The following MYO5A variants were observed in gnomAD, a reference collection of about 807,000 sequenced individuals.
MYO5A encodes the protein myosin VA, also known as unconventional myosin-Va.
Under a neutral mutation model 249.7 loss-of-function variants are expected in MYO5A, and 98 were observed. That is an observed-to-expected ratio of 0.39 (90% CI 0.33 to 0.46). The LOEUF is 0.46. MYO5A is among the 20% of genes least tolerant of loss of function. The pLI is 0.98. For synonymous variants in MYO5A, 778 were observed against 810.6 expected (o/e 0.96, Z 0.68); for missense variants, 1,696 against 2,308.8 (o/e 0.73, Z 5.44).
intron 11 of MYO5A, 23 bp from the exon 12 acceptor site, chr15:52,392,093 C>G: frequency 6.2e-7 from 1 of 1,600,934 alleles, no homozygotes; most frequent in African/African-American, 1.3e-5. Flanking sequence ...AGAAAAAAAG[C>G]AGTCATTACT....
chr15:52,404,652 C>G (rs899468410), intron 9 of MYO5A, among the ~76,000 whole-genome samples: 1 of 152,098 alleles, frequency 6.6e-6, no homozygotes. Flanking sequence ...GAGTGTGTAT[C>G]TAAGAAGAGA....
rs137859268 is a variant in MYO5A, at chr15:52,379,180, C to T, written c.2208+445G>A. Among the ~76,000 whole-genome samples, 440 of 152,282 alleles carry T rather than the reference C, an allele frequency of 2.9e-3. 3 individuals carry two copies. The highest frequency in any genetic ancestry group is 6.8e-3 in the South Asian group (33 of 4,822). ...ATCTCTCCTTCCCATAGCTGGACGT[C>T]GCTTTGTCATCCCCTGATTTCTTGT... On this transcript the variant is annotated intron_variant, in intron 18 of 41. Transcript: ENST00000399233.
intron 1 of MYO5A, among the ~76,000 whole-genome samples, chr15:52,436,351 G>T (rs1050752739): frequency 6.6e-6 from 1 of 152,158 alleles, no homozygotes; most frequent in African/African-American, 2.4e-5. Flanking sequence ...TAGTTCTTCA[G>T]GAACACAGTT....
At position 52,428,405 on chromosome 15, in the gene MYO5A, C is replaced by T. The variant is rs770112853; in HGVS notation, c.303G>A (p.Thr101=). The change falls in exon 3 of 42, where the codon ACG becomes ACA. Residue 101 remains threonine (T), a synonymous_variant. Transcript: ENST00000399233. ...VRFIDSKLIY[T]YCGIVLVAIN... The stretch of plus-strand genomic sequence containing the variant: ...AAAGCAAAGCATACTTACCACAATA[C>T]GTATAAATAAGTTTGGAATCAATAA... 1.1e-5 allele frequency: 18 copies of T among 1,613,616 alleles called. No homozygotes were observed. The highest frequency in any genetic ancestry group is 3.3e-5 in the South Asian group (3 of 91,078).
intron 1 of MYO5A, chr15:52,505,501 G>T: frequency 7.8e-7 from 1 of 1,281,924 alleles, no homozygotes; most frequent in South Asian, 1.2e-5. Context: ...TGATCTCTCT[G>T]GATCTGATGA....
At chr15:52,406,724 G>T (rs2043019765) in intron 8 of MYO5A, among the ~76,000 whole-genome samples, 1 of 151,644 alleles carries the variant, frequency 6.6e-6, no homozygotes. Flanking sequence ...TTAAATCCCA[G>T]AAACAAGATA....
chr15:52,319,846 T>C (rs1309292162), intron 38 of MYO5A, among the ~76,000 whole-genome samples: 2 of 152,244 alleles, frequency 1.3e-5, no homozygotes, highest in African/African-American at 4.8e-5. Flanking sequence ...AAAAATTTAC[T>C]ATGAATCTAA....
At chr15:52,340,417 G>A (rs1179382391) in intron 31 of MYO5A, 23 bp from the exon 32 acceptor site, 11 of 1,607,096 alleles carry the variant, frequency 6.8e-6, no homozygotes, top group Admixed American at 1.7e-5. Flanking sequence ...CACATGGGTC[G>A]GAAGGGGAGA....
rs1188293474 is a variant in MYO5A, at chr15:52,313,420, C to T, written c.*276G>A. The T allele has an allele frequency of 3.5e-5, 15 of 430,716 alleles. No homozygotes were observed. Among genetic ancestry groups the T allele is most frequent in the Admixed American group, 7.2e-5 (2 of 27,826 alleles). The allele number at this position is 430,716 out of a possible 1,614,324, so 26.7% of individuals were successfully genotyped here. ...GAAGACACATTTTTCTCCTCCTTTC[C>T]TTCCTCCCTTCCTTCCATCATTCTC... On this transcript the variant is annotated 3_prime_UTR_variant, in exon 42 of 42. Coordinates refer to ENST00000399233, the MANE Select transcript of MYO5A (RefSeq NM_001382347.1).
At position 52,323,394 on chromosome 15, in the gene MYO5A, G is replaced by A; in HGVS notation, c.4761C>T (p.Cys1587=). Reference sequence around the variant, plus strand: ...ACTGTTTCAAGCAGTGCAAAAATCGGCATGTGTTAGAGAGCCAGAAGGAGA... The same window carrying A: ...ACTGTTTCAAGCAGTGCAAAAATCGACATGTGTTAGAGAGCCAGAAGGAGA... ...ETVSFWLSNT[C]RFLHCLKQYS... The change falls in exon 37 of 42, where the codon TGC becomes TGT. Residue 1587 remains cysteine, a synonymous_variant. Transcript: ENST00000399233. 2 of 1,613,698 alleles carry A rather than the reference G, an allele frequency of 1.2e-6. No homozygotes were observed. Among genetic ancestry groups the A allele is most frequent in the Non-Finnish European group, 1.7e-6 (2 of 1,179,760 alleles).
chr15:52,493,661 C>CA (rs143788403), intron 1 of MYO5A, among the ~76,000 whole-genome samples: 37 of 141,204 alleles, frequency 2.6e-4, no homozygotes, highest in South Asian at 4.5e-4. Context: ...GACTCAGTCT[C>CA]AAAAAAAAAA....
intron 1 of MYO5A, among the ~76,000 whole-genome samples, chr15:52,501,699 A>G (rs1232348033): frequency 6.6e-6 from 1 of 152,182 alleles, no homozygotes; most frequent in Non-Finnish European, 1.5e-5. Flanking sequence ...TTATAAAAGA[A>G]TGTATGTTGA....
intron 1 of MYO5A, among the ~76,000 whole-genome samples, chr15:52,520,548 T>C (rs2077596354): frequency 6.6e-6 from 1 of 152,330 alleles, no homozygotes; most frequent in South Asian, 2.1e-4. Context: ...AGAGCCCCAA[T>C]GACCATGTCT....
chr15:52,442,067 T>C (rs987477340), intron 1 of MYO5A, among the ~76,000 whole-genome samples: 1 of 152,200 alleles, frequency 6.6e-6, no homozygotes, highest in Non-Finnish European at 1.5e-5. Context: ...GAGCTAGGCA[T>C]GTGGGGAGCA....
chr15:52,388,394 T>C (rs2042061291), intron 13 of MYO5A, among the ~76,000 whole-genome samples: 1 of 152,206 alleles, frequency 6.6e-6, no homozygotes, highest in Non-Finnish European at 1.5e-5. Context: ...ATTGTATGAT[T>C]TGGTAAAGCA....
intron 1 of MYO5A, among the ~76,000 whole-genome samples, chr15:52,512,015 T>C (rs948068242): frequency 6.6e-6 from 1 of 151,990 alleles, no homozygotes; most frequent in Non-Finnish European, 1.5e-5. Context: ...TACAAAAAAT[T>C]AGCCGGGCGT....
Position 52,520,764 on chromosome 15 carries a change from A to T in MYO5A, c.27+8016T>A, listed in dbSNP as rs538221316. On this transcript the variant is annotated intron_variant, in intron 1 of 41. Coordinates refer to ENST00000399233, the MANE Select transcript of MYO5A (RefSeq NM_001382347.1). ...CAGACCCTCTCTATTTACATCCTGT[A>T]CCTCAGCTAATACCATAACTTGAAG... Among the ~76,000 whole-genome samples, 115 of 152,332 alleles carry T rather than the reference A, an allele frequency of 7.5e-4. 1 individual carries two copies. Among genetic ancestry groups the T allele is most frequent in the African/African-American group, 2.5e-3 (105 of 41,564 alleles).
chr15:52,498,399 G>T (rs950383908), intron 1 of MYO5A, among the ~76,000 whole-genome samples: 1 of 152,010 alleles, frequency 6.6e-6, no homozygotes, highest in African/African-American at 2.4e-5. Flanking sequence ...CATATATTGT[G>T]TTAAACTGCC....
At chr15:52,380,011 G>A in intron 16 of MYO5A, 103 bp from the exon 17 acceptor site, 1 of 1,116,662 alleles carries the variant, frequency 9.0e-7, no homozygotes, top group Non-Finnish European at 1.3e-6. Context: ...GAGCAAAATG[G>A]ATAAATCAGA....
Sources: allele counts gnomAD v4.1 joint callset (sites outside exome capture counted in the v4.1 genomes callset), GRCh38; gene constraint gnomAD v4.1.1; transcripts MANE v1.5; gene names NCBI Gene and HGNC (gene_info 2026-07-23, HGNC 2026-07-21).